Variants in AKAP10 observed in about 807,000 individuals in gnomAD.
AKAP10 encodes A-kinase anchor protein 10, mitochondrial.
In AKAP10, 24 loss-of-function variants were observed where a neutral mutation model predicts 80.8. The observed-to-expected ratio is 0.30, with a 90% confidence interval of 0.22 to 0.42. The LOEUF is 0.42. AKAP10 is among the 10% of genes least tolerant of loss of function. AKAP10 has a pLI of 1.00. For synonymous variants in AKAP10, 291 were observed against 277.7 expected (o/e 1.05, Z -0.48); for missense variants, 661 against 794.9 (o/e 0.83, Z 2.03).
At position 19,958,327 on chromosome 17, in the gene AKAP10, T is replaced by C. The variant is rs772248033; in HGVS notation, c.564A>G (p.Pro188=). 13 of 1,614,118 alleles carry C rather than the reference T, an allele frequency of 8.1e-6. No homozygotes were observed. The highest frequency in any genetic ancestry group is 3.3e-4 in the Middle Eastern group (2 of 6,084). ...KQSSLAEPVS[P]SKKHETTASF... ...ACGCTGTAGTTTCATGCTTTTTAGA[T>C]GGAGAGACAGGCTCAGCCAGTGAGC... is the stretch of plus-strand genomic sequence containing the variant. The change falls in exon 4 of 15, where the codon CCA becomes CCG. Residue 188 remains proline, a synonymous_variant. Transcript: ENST00000225737.
At chr17:19,911,866 A>G (rs996070894) in intron 12 of AKAP10, among the ~76,000 whole-genome samples, 178 of 139,902 alleles carry the variant, frequency 1.3e-3, no homozygotes, top group African/African-American at 2.8e-3. Context: ...AAAAAAAAAA[A>G]AAAGAAATCT....
chr17:19,939,080 C>T (rs1038294771), intron 8 of AKAP10, among the ~76,000 whole-genome samples: 3 of 152,026 alleles, frequency 2.0e-5, no homozygotes, highest in African/African-American at 7.2e-5. Flanking sequence ...AAAAGAATAC[C>T]ATACGTTACA....
intron 14 of AKAP10, among the ~76,000 whole-genome samples, chr17:19,908,901 G>A (rs139341527): frequency 4.6e-5 from 7 of 152,240 alleles, no homozygotes; most frequent in East Asian, 3.9e-4. Flanking sequence ...GATTACAGGC[G>A]TGAGCCACTG....
At position 19,939,837 on chromosome 17, in the gene AKAP10, CT is replaced by C; in HGVS notation, c.1197del (p.Glu400ArgfsTer4). The C allele has an allele frequency of 1.2e-6, 2 of 1,613,396 alleles. No homozygotes were observed. On this transcript the variant is annotated frameshift_variant, in exon 8 of 15. Transcript: ENST00000225737. LOFTEE classifies it high-confidence loss of function. ...ALFYFSEYME[K>X]EDAVNILQFW... is the part of the protein sequence containing the mutation. ...AATTGTAAGATATTCACTGCATCCT[CT>C]TTTTCCATGTACTAGGAAGAAAAAA...
At chr17:19,948,781 A>G (rs542941821) in intron 4 of AKAP10, among the ~76,000 whole-genome samples, 1 of 152,166 alleles carries the variant, frequency 6.6e-6, no homozygotes, top group South Asian at 2.1e-4. Flanking sequence ...CCCTGCTTCT[A>G]AAAGTGTACA....
chr17:19,910,339 A>AAAAAAAAAAAACAAAC (rs1425341451), intron 12 of AKAP10, among the ~76,000 whole-genome samples: 1 of 151,504 alleles, frequency 6.6e-6, no homozygotes, highest in African/African-American at 2.4e-5. Context: ...AAAAAAAAAA[A>AAAAAAAAAAAACAAAC]AAACCACTAT....
intron 13 of AKAP10, 31 bp from the exon 14 acceptor site, chr17:19,909,307 G>A: frequency 6.3e-7 from 1 of 1,577,630 alleles, no homozygotes; most frequent in Middle Eastern, 1.7e-4. Flanking sequence ...TGGTGATAAT[G>A]GTTATTCATT....
At chr17:19,963,161 A>T (rs1437272567) in intron 2 of AKAP10, 139 bp from the exon 3 acceptor site, 1 of 593,186 alleles carries the variant, frequency 1.7e-6, no homozygotes, top group Admixed American at 3.6e-5. Flanking sequence ...AAAAATACTT[A>T]AGAGGAAAAG....
chr17:19,938,791 A>G (rs1374100178), intron 8 of AKAP10, among the ~76,000 whole-genome samples: 3 of 151,228 alleles, frequency 2.0e-5, no homozygotes, highest in African/African-American at 7.3e-5. Flanking sequence ...GGTGGAGTAC[A>G]GTGGATCACA....
intron 12 of AKAP10, among the ~76,000 whole-genome samples, chr17:19,916,997 G>A (rs1423370623): frequency 6.6e-6 from 1 of 151,792 alleles, no homozygotes; most frequent in African/African-American, 2.4e-5. Context: ...AGGCACGGTG[G>A]CTCACGCCTG....
chr17:19,930,625 A>G (rs1047097180), intron 10 of AKAP10, among the ~76,000 whole-genome samples: 2 of 152,120 alleles, frequency 1.3e-5, no homozygotes, highest in African/African-American at 4.8e-5. Flanking sequence ...TCTTTACAAA[A>G]AAAAAAGAAA....
chr17:19,916,713 G>A (rs1044305480), intron 12 of AKAP10, among the ~76,000 whole-genome samples: 10 of 151,124 alleles, frequency 6.6e-5, no homozygotes, highest in South Asian at 2.1e-4. Flanking sequence ...CGAGGTGGGC[G>A]GATCACGACA....
intron 9 of AKAP10, 48 bp downstream of exon 9, chr17:19,936,238 T>C (rs1336842043): frequency 6.4e-7 from 1 of 1,574,464 alleles, no homozygotes; most frequent in Admixed American, 1.8e-5. Flanking sequence ...TTATGAGTTC[T>C]ACCAATAAAA....
At chr17:19,913,674 T>C (rs1430311699) in intron 12 of AKAP10, among the ~76,000 whole-genome samples, 2 of 152,226 alleles carry the variant, frequency 1.3e-5, no homozygotes, top group Non-Finnish European at 2.9e-5. Flanking sequence ...CTAAGAAATA[T>C]CAATTATTTG....
chr17:19,926,846 T>C (rs907934625), intron 10 of AKAP10, among the ~76,000 whole-genome samples: 1 of 152,178 alleles, frequency 6.6e-6, no homozygotes, highest in Non-Finnish European at 1.5e-5. Context: ...TTTGGCCGGG[T>C]GCAGTGGCTC....
chr17:19,960,532 T>C (rs1414284570), intron 3 of AKAP10, among the ~76,000 whole-genome samples: 2 of 152,230 alleles, frequency 1.3e-5, no homozygotes, highest in Non-Finnish European at 2.9e-5. Flanking sequence ...ATCAACAGTT[T>C]GTTCCTTTTT....
intron 1 of AKAP10, among the ~76,000 whole-genome samples, chr17:19,971,721 T>G (rs1170078822): frequency 6.6e-6 from 1 of 152,266 alleles, no homozygotes. Flanking sequence ...CACTTAAACA[T>G]TCAACTAGTG....
chr17:19,939,603 C>G, intron 8 of AKAP10, 110 bp downstream of exon 8: 1 of 1,281,888 alleles, frequency 7.8e-7, no homozygotes, highest in Non-Finnish European at 1.1e-6. Flanking sequence ...TTTATGCTGC[C>G]TCCTGTGAGC....
At chr17:19,913,601 T>G (rs1205652739) in intron 12 of AKAP10, among the ~76,000 whole-genome samples, 1 of 152,144 alleles carries the variant, frequency 6.6e-6, no homozygotes, top group Non-Finnish European at 1.5e-5. Flanking sequence ...ATTTCTACAT[T>G]TGTAGAATGA....
Sources: allele counts gnomAD v4.1 joint callset (sites outside exome capture counted in the v4.1 genomes callset), GRCh38; gene constraint gnomAD v4.1.1; transcripts MANE v1.5; gene names NCBI Gene and HGNC (gene_info 2026-07-23, HGNC 2026-07-21).